Variants in GLYATL2 observed in about 807,000 individuals in gnomAD.
GLYATL2 encodes the protein glycine N-acyltransferase-like protein 2.
Under a neutral mutation model 21.4 loss-of-function variants are expected in GLYATL2, and 25 were observed. The observed-to-expected ratio is 1.17, with a 90% CI of 0.85 to 1.63. GLYATL2 has a LOEUF of 1.63. GLYATL2 is among the 40% of genes most tolerant of loss of function. GLYATL2 has a pLI of 0.00. For missense variants in GLYATL2, 361 were observed against 343.3 expected (o/e 1.05, Z -0.41); for synonymous variants, 114 against 118.2 (o/e 0.96, Z 0.23).
intron 1 of GLYATL2, among the ~76,000 whole-genome samples, chr11:58,841,165 G>A (rs1021710558): frequency 6.6e-6 from 1 of 152,122 alleles, no homozygotes; most frequent in Non-Finnish European, 1.5e-5. Flanking sequence ...TTGCAAGGAA[G>A]CCATTAATAT....
At chr11:58,899,814 A>G (rs1389907956) in intron 1 of GLYATL2, among the ~76,000 whole-genome samples, 2 of 144,866 alleles carry the variant, frequency 1.4e-5, no homozygotes, top group Non-Finnish European at 3.0e-5. Flanking sequence ...TAATTACAAC[A>G]GAATATATAT....
At chr11:58,853,228 A>T (rs962356611) in intron 1 of GLYATL2, among the ~76,000 whole-genome samples, 13 of 152,168 alleles carry the variant, frequency 8.5e-5, no homozygotes, top group Non-Finnish European at 1.9e-4. Flanking sequence ...TATCCTGACA[A>T]ACACAATTGA....
the GLYATL2 span, among the ~76,000 whole-genome samples, chr11:58,909,480 T>A: frequency 6.6e-6 from 1 of 152,196 alleles, no homozygotes; most frequent in Non-Finnish European, 1.5e-5. Flanking sequence ...TGATAATGTA[T>A]CTCCACACTC....
chr11:58,857,028 T>C (rs1853840355), intron 1 of GLYATL2, among the ~76,000 whole-genome samples: 1 of 152,182 alleles, frequency 6.6e-6, no homozygotes, highest in Non-Finnish European at 1.5e-5. Flanking sequence ...TAATTTCCTT[T>C]AAACATATAT....
At position 58,834,184 on chromosome 11, in the gene GLYATL2, G is replaced by A. The variant is rs1402119681; in HGVS notation, c.*245C>T. The A allele has an allele frequency of 2.9e-6, 1 of 342,078 alleles. No homozygotes were observed. Among genetic ancestry groups the A allele is most frequent in the Non-Finnish European group, 5.2e-6 (1 of 190,960 alleles). 21.2% of individuals were successfully genotyped at this position (342,078 alleles called of 1,614,324 possible). A position where few individuals can be genotyped will look rare whatever the true frequency, so the allele number is the denominator to read the frequency against. On this transcript the variant is annotated 3_prime_UTR_variant, in exon 6 of 6. Transcript: ENST00000287275. ...AAGGGTTATCTTGGCACTAATGATT[G>A]GCTTTGGGTGATTTTAATTCTGAGA...
chr11:58,857,858 G>T (rs1186071222), intron 1 of GLYATL2, among the ~76,000 whole-genome samples: 1 of 131,626 alleles, frequency 7.6e-6, no homozygotes, highest in African/African-American at 3.0e-5. Flanking sequence ...TGACTTACCT[G>T]CTACCCTCAT....
intron 1 of GLYATL2, among the ~76,000 whole-genome samples, chr11:58,842,932 A>G (rs2134578313): frequency 6.6e-6 from 1 of 152,320 alleles, no homozygotes; most frequent in South Asian, 2.1e-4. Flanking sequence ...TTAAATGTAT[A>G]CGCAGTTTCC....
chr11:58,879,856 T>G (rs1265450886), intron 1 of GLYATL2, among the ~76,000 whole-genome samples: 6 of 22 alleles, frequency 0.27, no homozygotes, highest in Admixed American at 0.5. Flanking sequence ...TTTTCCTTGT[T>G]TTTTTTTTTT....
chr11:58,864,850 A>G lies in GLYATL2; in HGVS notation n.61-26482T>C, dbSNP rs926748200. Among the ~76,000 whole-genome samples, 10 of 149,126 alleles carry G rather than the reference A, an allele frequency of 6.7e-5. 1 individual carries two copies. Among genetic ancestry groups the G allele is most frequent in the African/African-American group, 9.7e-5 (4 of 41,238 alleles). On this transcript the variant is annotated intron_variant and non_coding_transcript_variant, in intron 1 of 4. Transcript: ENST00000533636. Reference sequence around the variant, plus strand: ...ATGTCTAGTTGCACAGCATCCAGTCAGATTTCTAAATAATGATTTTCAAAG... The same window carrying G: ...ATGTCTAGTTGCACAGCATCCAGTCGGATTTCTAAATAATGATTTTCAAAG...
chr11:58,902,085 G>C (rs898215882), intron 1 of GLYATL2, among the ~76,000 whole-genome samples: 3 of 152,196 alleles, frequency 2.0e-5, no homozygotes, highest in African/African-American at 7.2e-5. Flanking sequence ...TATATGGGAA[G>C]TGTTAGCTGC....
chr11:58,872,737 C>A (rs1590737822), intron 1 of GLYATL2, among the ~76,000 whole-genome samples: 1 of 152,314 alleles, frequency 6.6e-6, no homozygotes, highest in Non-Finnish European at 1.5e-5. Context: ...CAGCTTTGTT[C>A]TTTTGGCTTA....
intron 1 of GLYATL2, among the ~76,000 whole-genome samples, chr11:58,864,567 C>A (rs1351506854): frequency 4.0e-5 from 6 of 148,966 alleles, no homozygotes; most frequent in African/African-American, 1.2e-4. Context: ...TTCTTCAACA[C>A]AAAGGTTGCC....
At chr11:58,878,030 T>C (rs1446702442) in intron 1 of GLYATL2, among the ~76,000 whole-genome samples, 1 of 152,188 alleles carries the variant, frequency 6.6e-6, no homozygotes, top group Non-Finnish European at 1.5e-5. Flanking sequence ...TCAAACTGTG[T>C]TCATACAAGG....
intron 1 of GLYATL2, among the ~76,000 whole-genome samples, chr11:58,899,181 C>A (rs1486928614): frequency 6.6e-6 from 1 of 152,124 alleles, no homozygotes; most frequent in African/African-American, 2.4e-5. Context: ...CAACCAACAT[C>A]ACAGGATATA....
At chr11:58,867,215 TATA>T (rs1208337757) in intron 1 of GLYATL2, among the ~76,000 whole-genome samples, 1 of 148,986 alleles carries the variant, frequency 6.7e-6, no homozygotes, top group Non-Finnish European at 1.5e-5. Flanking sequence ...ACATAGATAA[TATA>T]ATAGATTTAA....
chr11:58,850,809 CA>C, intron 1 of GLYATL2, among the ~76,000 whole-genome samples: 1 of 152,150 alleles, frequency 6.6e-6, no homozygotes, highest in South Asian at 2.1e-4. Context: ...GAGGGCCTGA[CA>C]TCAGTCAGGC....
intron 1 of GLYATL2, among the ~76,000 whole-genome samples, chr11:58,884,655 T>A (rs1322743668): frequency 6.6e-6 from 1 of 152,232 alleles, no homozygotes; most frequent in Non-Finnish European, 1.5e-5. Context: ...ATATTCACTT[T>A]TAATTCATTC....
chr11:58,867,980 A>G (rs1854050089), intron 1 of GLYATL2, among the ~76,000 whole-genome samples: 1 of 148,774 alleles, frequency 6.7e-6, no homozygotes, highest in Admixed American at 6.9e-5. Context: ...GAGACACTCC[A>G]GAGCTGGTCC....
intron 1 of GLYATL2, among the ~76,000 whole-genome samples, chr11:58,856,446 GCTAA>G (rs1853828859): frequency 6.6e-6 from 1 of 152,142 alleles, no homozygotes; most frequent in African/African-American, 2.4e-5. Context: ...TCACAACTTG[GCTAA>G]CTGTTTGGTG....
Sources: gnomAD v4.1 joint callset for allele counts (sites outside exome capture counted in the v4.1 genomes callset) on GRCh38, gnomAD v4.1.1 for gene constraint, MANE v1.5 for transcripts, NCBI Gene and HGNC (gene_info 2026-07-23, HGNC 2026-07-21) for gene names.